PHF14: variants seen among roughly 807,000 people sequenced by gnomAD.
PHF14 encodes the protein PHD finger protein 14.
Under a neutral mutation model 117.9 loss-of-function variants are expected in PHF14, and 55 were observed. The observed-to-expected ratio is 0.47, with a 90% CI of 0.38 to 0.58. PHF14 has a LOEUF of 0.58. Ranked by LOEUF, PHF14 falls within the 20% of genes least tolerant of loss-of-function variation. The probability of loss-of-function intolerance (pLI) is 0.00; values close to 1 mark genes in which losing one functional copy is unlikely to be tolerated. For synonymous variants in PHF14, 409 were observed against 368.6 expected (o/e 1.11, Z -1.26); for missense variants, 978 against 1,122.2 (o/e 0.87, Z 1.84).
intron 4 of PHF14, among the ~76,000 whole-genome samples, chr7:11,004,338 T>C (rs1783001496): frequency 7.3e-6 from 1 of 136,826 alleles, no homozygotes. Flanking sequence ...ACTTTAGTGT[T>C]TGTTCTTCCA....
At chr7:11,002,192 G>A (rs1782901602) in intron 4 of PHF14, among the ~76,000 whole-genome samples, 1 of 151,596 alleles carries the variant, frequency 6.6e-6, no homozygotes, top group African/African-American at 2.4e-5. Flanking sequence ...ATTTTAAAAG[G>A]TGCCTCAAGA....
At chr7:11,122,942 A>G (rs1787818525) in intron 17 of PHF14, among the ~76,000 whole-genome samples, 1 of 152,210 alleles carries the variant, frequency 6.6e-6, no homozygotes, top group Non-Finnish European at 1.5e-5. Flanking sequence ...GTCAAAATCA[A>G]GAATCTTCCT....
chr7:11,098,298 C>T (rs896627214), intron 16 of PHF14, among the ~76,000 whole-genome samples: 12 of 152,144 alleles, frequency 7.9e-5, no homozygotes, highest in African/African-American at 2.4e-5. Flanking sequence ...CCATTCTTTT[C>T]CTTTCCCATT....
At chr7:11,087,562 A>C (rs1786464805) in intron 16 of PHF14, among the ~76,000 whole-genome samples, 1 of 152,130 alleles carries the variant, frequency 6.6e-6, no homozygotes, top group African/African-American at 2.4e-5. Context: ...ATTGGGCCAT[A>C]ATCTTTGGCT....
At chr7:11,060,869 A>C (rs529504113) in intron 14 of PHF14, among the ~76,000 whole-genome samples, 29 of 152,168 alleles carry the variant, frequency 1.9e-4, no homozygotes, top group African/African-American at 6.8e-4. Flanking sequence ...AACAGATTAA[A>C]TGGTAAGTAG....
intron 17 of PHF14, 73 bp from the exon 18 acceptor site, chr7:11,169,343 T>TA (rs1789298633): frequency 1.5e-6 from 1 of 673,060 alleles, no homozygotes; most frequent in Admixed American, 3.5e-5. Context: ...CAGATGCAGT[T>TA]AAAATCTGTC....
chr7:11,006,136 T>C (rs569680870), intron 4 of PHF14, among the ~76,000 whole-genome samples: 1 of 152,326 alleles, frequency 6.6e-6, no homozygotes, highest in South Asian at 2.1e-4. Context: ...CCAGATTGAC[T>C]ACCAAAAGGA....
chr7:11,146,851 T>G (rs1200029276), intron 17 of PHF14, among the ~76,000 whole-genome samples: 1 of 152,126 alleles, frequency 6.6e-6, no homozygotes, highest in East Asian at 1.9e-4. Flanking sequence ...TTTATTTACT[T>G]ATGTATTTAT....
At chr7:11,022,454 T>C (rs1314829871) in intron 5 of PHF14, among the ~76,000 whole-genome samples, 1 of 152,190 alleles carries the variant, frequency 6.6e-6, no homozygotes, top group East Asian at 1.9e-4. Context: ...TTCACAGTTA[T>C]TAAATTAGTA....
At chr7:11,082,085 T>G (rs920165219) in intron 16 of PHF14, among the ~76,000 whole-genome samples, 11 of 152,134 alleles carry the variant, frequency 7.2e-5, no homozygotes, top group African/African-American at 2.7e-4. Context: ...GGCTCACGCT[T>G]GTAATCCCAG....
intron 17 of PHF14, among the ~76,000 whole-genome samples, chr7:11,117,631 ATATG>A (rs1336888041): frequency 4.7e-5 from 7 of 147,562 alleles, no homozygotes; most frequent in South Asian, 2.1e-4. Context: ...GTATGTATAA[ATATG>A]TATAAATATA....
chr7:11,088,502 T>G (rs540143777), intron 16 of PHF14, among the ~76,000 whole-genome samples: 9 of 152,270 alleles, frequency 5.9e-5, no homozygotes, highest in East Asian at 3.9e-4. Context: ...AACAGAGTAT[T>G]TTTGTTTTCA....
chr7:11,140,685 G>A lies in PHF14; in HGVS notation c.2773-28731G>A, dbSNP rs73286509. ...ATATTTAAAGAGACTACCATTTCAA[G>A]CAAGGAAGTTGAAATAATAGGATTT... On this transcript the variant is annotated intron_variant, in intron 17 of 17. Transcript: ENST00000634607. 1.5e-3 allele frequency among the ~76,000 whole-genome samples: 221 copies of A among 152,128 alleles called. 2 individuals are homozygous for A. Among genetic ancestry groups the A allele is most frequent in the African/African-American group, 5.2e-3 (216 of 41,508 alleles).
intron 17 of PHF14, among the ~76,000 whole-genome samples, chr7:11,113,988 T>C (rs907005033): frequency 6.6e-6 from 1 of 152,116 alleles, no homozygotes. Flanking sequence ...CTACATTTGC[T>C]TAGGTGGAAT....
At chr7:11,141,226 T>C (rs1788388438) in intron 17 of PHF14, among the ~76,000 whole-genome samples, 1 of 152,134 alleles carries the variant, frequency 6.6e-6, no homozygotes, top group Admixed American at 6.6e-5. Context: ...AATTTAAATT[T>C]AGAGCAACTG....
chr7:11,038,128 T>C (rs1269853788), intron 10 of PHF14, among the ~76,000 whole-genome samples: 2 of 152,128 alleles, frequency 1.3e-5, no homozygotes, highest in African/African-American at 4.8e-5. Flanking sequence ...TAAAAATATA[T>C]GGAGGCCGAG....
At chr7:10,992,954 C>T (rs755356268) in intron 4 of PHF14, among the ~76,000 whole-genome samples, 2 of 151,964 alleles carry the variant, frequency 1.3e-5, no homozygotes, top group Non-Finnish European at 2.9e-5. Context: ...TTTGTTTTTA[C>T]AGAATGTTCC....
chr7:11,042,548 A>C (rs1784534016), intron 12 of PHF14, 135 bp from the exon 13 acceptor site: 1 of 568,714 alleles, frequency 1.8e-6, no homozygotes, highest in Non-Finnish European at 3.0e-6. Flanking sequence ...TTAATGAAAG[A>C]AATTGTCTAT....
At chr7:11,053,308 T>C (rs1784904388) in intron 14 of PHF14, among the ~76,000 whole-genome samples, 1 of 152,148 alleles carries the variant, frequency 6.6e-6, no homozygotes, top group Non-Finnish European at 1.5e-5. Context: ...ATGAGGCAAA[T>C]CTTTATCTCT....
Sources: allele counts gnomAD v4.1 joint callset (sites outside exome capture counted in the v4.1 genomes callset), GRCh38; gene constraint gnomAD v4.1.1; transcripts MANE v1.5; gene names NCBI Gene and HGNC (gene_info 2026-07-23, HGNC 2026-07-21).